The following FRMD5 variants were observed in gnomAD, a reference collection of about 807,000 sequenced individuals.
The protein encoded by FRMD5 is FERM domain-containing protein 5.
In FRMD5, 20 loss-of-function variants were observed where a neutral mutation model predicts 69.0. The ratio of observed to expected loss-of-function variants is 0.29; its 90% CI spans 0.20 to 0.42. The LOEUF (loss-of-function observed/expected upper bound fraction) is 0.42. FRMD5 is among the 10% of genes least tolerant of loss of function. FRMD5 has a pLI of 1.00. For synonymous variants in FRMD5, 271 were observed against 260.1 expected, an observed-to-expected ratio of 1.04 and a Z score of -0.40; for missense variants, 595 against 708.6, an observed-to-expected ratio of 0.84 and a Z score of 1.82.
intron 1 of FRMD5, among the ~76,000 whole-genome samples, chr15:44,170,302 C>A (rs1406237868): frequency 6.6e-6 from 1 of 152,170 alleles, no homozygotes; most frequent in Non-Finnish European, 1.5e-5. Flanking sequence ...ACAGGCAGAT[C>A]ACCTGAGGTC....
intron 7 of FRMD5, among the ~76,000 whole-genome samples, chr15:43,897,765 C>T (rs538675834): frequency 1.3e-5 from 2 of 152,252 alleles, no homozygotes; most frequent in Admixed American, 6.5e-5. Context: ...TGTGTCCCCA[C>T]CCAAATCTGA....
At chr15:43,875,745 C>T (rs2088325338) in intron 13 of FRMD5, 4 of 563,516 alleles carry the variant, frequency 7.1e-6, no homozygotes, top group Middle Eastern at 9.5e-4. Flanking sequence ...TGAGCCACCG[C>T]ACCCAGCCCC....
At chr15:43,895,707 C>T (rs2088896757) in intron 7 of FRMD5, among the ~76,000 whole-genome samples, 1 of 152,196 alleles carries the variant, frequency 6.6e-6, no homozygotes, top group Admixed American at 6.5e-5. Context: ...ACCCTGACAC[C>T]CGGTATCCGC....
intron 1 of FRMD5, among the ~76,000 whole-genome samples, chr15:43,958,495 C>T (rs1427020527): frequency 6.6e-6 from 1 of 152,216 alleles, no homozygotes; most frequent in Admixed American, 6.5e-5. Flanking sequence ...ATCACAATCA[C>T]GATCGTGGCT....
intron 1 of FRMD5, among the ~76,000 whole-genome samples, chr15:44,090,881 T>G (rs745986940): frequency 1.3e-5 from 2 of 152,208 alleles, no homozygotes; most frequent in Admixed American, 1.3e-4. Context: ...ATCCTTACCA[T>G]GACAACTAAA....
intron 1 of FRMD5, among the ~76,000 whole-genome samples, chr15:44,020,615 C>G (rs1032466389): frequency 6.6e-6 from 1 of 152,216 alleles, no homozygotes; most frequent in Non-Finnish European, 1.5e-5. Flanking sequence ...ATTTATTAAT[C>G]ATATGAGTGA....
intron 1 of FRMD5, among the ~76,000 whole-genome samples, chr15:43,936,752 T>A (rs1300865584): frequency 6.6e-6 from 1 of 150,980 alleles, no homozygotes; most frequent in Admixed American, 6.6e-5. Flanking sequence ...ACATAGGCTG[T>A]ACTTGGGAAG....
intron 1 of FRMD5, among the ~76,000 whole-genome samples, chr15:43,997,584 C>T (rs768563028): frequency 2.6e-5 from 4 of 152,254 alleles, no homozygotes; most frequent in Middle Eastern, 6.8e-3. Context: ...TGTCTCCTTG[C>T]CCCTGAGCTT....
Position 44,022,691 on chromosome 15 carries a change from C to T in FRMD5, c.103-98382G>A, listed in dbSNP as rs1040014355. On this transcript the variant is annotated intron_variant, in intron 1 of 13. Coordinates refer to ENST00000417257, the MANE Select transcript of FRMD5 (RefSeq NM_032892.5). ...ATGAGATTGCCAAAAATTTAACAAT[C>T]GTATTTTGTGGGCCAGGATAGGCTG... Among the ~76,000 whole-genome samples, 6 of 150,660 alleles carry T rather than the reference C, an allele frequency of 4.0e-5. No homozygotes were observed. The East Asian group carries it at 5.9e-4, about 15-fold the overall frequency.
chr15:43,964,304 T>A (rs1287608119), intron 1 of FRMD5, among the ~76,000 whole-genome samples: 2 of 151,922 alleles, frequency 1.3e-5, no homozygotes, highest in Non-Finnish European at 2.9e-5. Flanking sequence ...TGATAACTAA[T>A]CCTTTTGTGG....
At chr15:44,053,484 A>G in intron 1 of FRMD5, among the ~76,000 whole-genome samples, 1 of 152,214 alleles carries the variant, frequency 6.6e-6, no homozygotes, top group Admixed American at 6.5e-5. Context: ...GCAGAAAAAG[A>G]TGATGCTAGA....
intron 4 of FRMD5, among the ~76,000 whole-genome samples, chr15:43,915,238 T>G (rs1236329023): frequency 6.6e-6 from 1 of 152,234 alleles, no homozygotes; most frequent in Non-Finnish European, 1.5e-5. Context: ...CTCATTCATT[T>G]ATGTATCGTC....
At chr15:43,915,623 C>G (rs2089372800) in intron 4 of FRMD5, among the ~76,000 whole-genome samples, 1 of 152,164 alleles carries the variant, frequency 6.6e-6, no homozygotes, top group Non-Finnish European at 1.5e-5. Flanking sequence ...TTTTCTTTGC[C>G]TTGTCTCTAG....
chr15:44,156,246 T>C (rs2077526308), intron 1 of FRMD5, among the ~76,000 whole-genome samples: 1 of 151,678 alleles, frequency 6.6e-6, no homozygotes, highest in Non-Finnish European at 1.5e-5. Context: ...CAGGTTCAGG[T>C]GATTCTCCTG....
At chr15:44,066,042 A>G (rs950838147) in intron 1 of FRMD5, among the ~76,000 whole-genome samples, 4 of 152,188 alleles carry the variant, frequency 2.6e-5, no homozygotes, top group African/African-American at 9.7e-5. Context: ...CAGAAAAATG[A>G]GGTTTTCAAC....
chr15:44,035,381 GA>G (rs2140297055), intron 1 of FRMD5, among the ~76,000 whole-genome samples: 1 of 152,216 alleles, frequency 6.6e-6, no homozygotes, highest in Non-Finnish European at 1.5e-5. Flanking sequence ...TACACATCTA[GA>G]ACATTCTCCT....
chr15:44,180,512 C>T (rs1323856019), intron 1 of FRMD5, among the ~76,000 whole-genome samples: 2 of 152,064 alleles, frequency 1.3e-5, no homozygotes, highest in South Asian at 2.1e-4. Flanking sequence ...TGGCCAGGCG[C>T]GGCAGCTCAC....
At chr15:43,878,319 G>A (rs1190583821) in intron 13 of FRMD5, among the ~76,000 whole-genome samples, 1 of 152,138 alleles carries the variant, frequency 6.6e-6, no homozygotes, top group Non-Finnish European at 1.5e-5. Flanking sequence ...TAAAGACCCT[G>A]TCAACGCTGT....
intron 1 of FRMD5, among the ~76,000 whole-genome samples, chr15:43,985,560 T>A (rs1214331962): frequency 6.6e-6 from 1 of 152,142 alleles, no homozygotes; most frequent in Non-Finnish European, 1.5e-5. Flanking sequence ...ATATATAGAT[T>A]CTGAGGCCCC....
Sources: gnomAD v4.1 joint callset for allele counts (sites outside exome capture counted in the v4.1 genomes callset) on GRCh38, gnomAD v4.1.1 for gene constraint, MANE v1.5 for transcripts, NCBI Gene and HGNC (gene_info 2026-07-23, HGNC 2026-07-21) for gene names.